Variants in COL15A1 observed in about 807,000 individuals in gnomAD.
COL15A1 encodes collagen type XV alpha 1 chain.
In COL15A1, 111 loss-of-function variants were observed where a neutral mutation model predicts 165.9. The ratio of observed to expected loss-of-function variants is 0.67; its 90% CI spans 0.57 to 0.78. COL15A1 has a LOEUF of 0.78. Among genes scored for constraint, COL15A1 ranks in the 30% least tolerant of loss-of-function variants. COL15A1 has a pLI of 0.00. For synonymous variants in COL15A1, 659 were observed against 674.8 expected, an observed-to-expected ratio of 0.98 and a Z score of 0.36; for missense variants, 1,745 against 1,789.7, an observed-to-expected ratio of 0.98 and a Z score of 0.45.
At chr9:99,041,849 T>A (rs1839410788) in intron 23 of COL15A1, among the ~76,000 whole-genome samples, 196 bp from the exon 24 acceptor site, 1 of 152,224 alleles carries the variant, frequency 6.6e-6, no homozygotes, top group African/African-American at 2.4e-5. Flanking sequence ...CTCTTAACAC[T>A]CAGTGCTATC....
intron 36 of COL15A1, among the ~76,000 whole-genome samples, chr9:99,060,180 G>A (rs7030799): frequency 0.28 from 42,236 of 149,378 alleles, 6,925 homozygotes; most frequent in East Asian, 0.62. Flanking sequence ...TCCACCATTC[G>A]AATCCTTAAT....
Position 99,004,949 on chromosome 9 carries a change from G to A in COL15A1, c.1252G>A (p.Ala418Thr). 1 of 1,614,106 alleles carries A rather than the reference G, an allele frequency of 6.2e-7. No homozygotes were observed. The highest frequency in any genetic ancestry group is 8.5e-7 in the Non-Finnish European group (1 of 1,179,978). ...AGCAACAGCAGCAGGGGAGGCCGAG[G>A]CACTCGCCAGCATGCCTGGGGAAGT... ...LAATAAGEAE[A>T]LASMPGEVEA... Residue 418 changes from alanine to threonine, a missense_variant, in exon 9 of 42, where the codon GCA becomes ACA. Physicochemically the swap from Ala to Thr is moderately conservative, Grantham distance 58. Coordinates refer to ENST00000375001, the MANE Select transcript of COL15A1 (RefSeq NM_001855.5).
intron 16 of COL15A1, among the ~76,000 whole-genome samples, chr9:99,028,422 A>G (rs1054015966): frequency 5.3e-5 from 8 of 151,964 alleles, no homozygotes; most frequent in African/African-American, 1.9e-4. Flanking sequence ...GGAGGCTGAG[A>G]TGGGCGGATC....
chr9:98,957,955 T>C (rs999803888), intron 2 of COL15A1, among the ~76,000 whole-genome samples: 9 of 152,206 alleles, frequency 5.9e-5, no homozygotes, highest in Non-Finnish European at 8.8e-5. Flanking sequence ...CTGGGGTTGT[T>C]CTCTATGCCA....
chr9:99,001,067 G>A, intron 7 of COL15A1, 116 bp downstream of exon 7: 1 of 678,048 alleles, frequency 1.5e-6, no homozygotes, highest in Non-Finnish European at 2.7e-6. Flanking sequence ...TGGTTGAATA[G>A]CATCAAGATT....
In COL15A1 at chr9:99,055,138, T is replaced by C; in HGVS notation, c.3068T>C (p.Leu1023Pro). ...PLDLAYLRHFLNNLKGENGDK... is the reference protein window; with the variant it reads ...PLDLAYLRHFPNNLKGENGDK... ...GATCTAGCTTACCTGAGACACTTTC[T>C]GAACAACTTGAAGGTGAGTATTTCT... Residue 1023 changes from leucine to proline, a missense_variant, in exon 33 of 42, where the codon CTG becomes CCG. Physicochemically the swap from Leu to Pro is moderately conservative, Grantham distance 98. Coordinates refer to ENST00000375001, the MANE Select transcript of COL15A1 (RefSeq NM_001855.5). The C allele has an allele frequency of 6.2e-7, 1 of 1,613,446 alleles. No individual in the cohort carries two copies. Among genetic ancestry groups the C allele is most frequent in the South Asian group, 1.1e-5 (1 of 91,062 alleles).
In COL15A1 at chr9:99,004,954, C is replaced by T. The variant is rs776243720; in HGVS notation, c.1257C>T (p.Leu419=). 5.6e-6 allele frequency: 9 copies of T among 1,614,030 alleles called. No individual in the cohort carries two copies. Among genetic ancestry groups the T allele is most frequent in the African/African-American group, 1.3e-5 (1 of 75,016 alleles). ...AATAAGEAEA[L]ASMPGEVEAS... is the part of the protein sequence containing the mutation. ...CAGCAGCAGGGGAGGCCGAGGCACTCGCCAGCATGCCTGGGGAAGTGGAGG... is the reference window on the plus strand; with the variant it reads ...CAGCAGCAGGGGAGGCCGAGGCACTTGCCAGCATGCCTGGGGAAGTGGAGG... Residue 419 remains leucine, a synonymous_variant, in exon 9 of 42, where the codon CTC becomes CTT. Coordinates refer to ENST00000375001, the MANE Select transcript of COL15A1 (RefSeq NM_001855.5).
intron 24 of COL15A1, 125 bp downstream of exon 24, chr9:99,042,232 C>A (rs1441215493): frequency 6.8e-5 from 47 of 689,780 alleles, no homozygotes; most frequent in Non-Finnish European, 1.0e-5. Flanking sequence ...ATAAAATTCA[C>A]CCCTTTAAAT....
intron 2 of COL15A1, among the ~76,000 whole-genome samples, chr9:98,979,896 A>T (rs906692096): frequency 6.6e-6 from 1 of 152,052 alleles, no homozygotes; most frequent in Non-Finnish European, 1.5e-5. Context: ...AGGGGCTCAC[A>T]CCTGTAATCC....
chr9:99,023,369 G>A lies in COL15A1; in HGVS notation c.1774G>A (p.Ala592Thr). ...GPVGPTAGAE[A>T]EGSGLGWGSD... ...CTTCTCTTTCCAGGCAGGAGCAGAA[G>A]CAGAGGGCTCTGGCCTAGGCTGGGG... Residue 592 changes from alanine to threonine, a missense_variant, in exon 14 of 42, where the codon GCA becomes ACA. Physicochemically the swap from Ala to Thr is moderately conservative, Grantham distance 58. Transcript: ENST00000375001. 1.9e-6 allele frequency: 3 copies of A among 1,609,022 alleles called. No homozygotes were observed. The highest frequency in any genetic ancestry group is 2.5e-6 in the Non-Finnish European group (3 of 1,177,006).
At chr9:99,037,264 CT>C (rs1839319167) in intron 21 of COL15A1, among the ~76,000 whole-genome samples, 1 of 152,162 alleles carries the variant, frequency 6.6e-6, no homozygotes, top group South Asian at 2.1e-4. Flanking sequence ...TTTTTTTCTT[CT>C]CTGTATCCCC....
At chr9:99,068,791 G>GCCCT in intron 41 of COL15A1, 121 bp downstream of exon 41, 1 of 606,150 alleles carries the variant, frequency 1.6e-6, no homozygotes, top group Non-Finnish European at 2.8e-6. Context: ...CCACAGTGAG[G>GCCCT]CAACTGAGGG....
intron 21 of COL15A1, among the ~76,000 whole-genome samples, chr9:99,036,684 C>T (rs1423131629): frequency 6.6e-6 from 1 of 152,228 alleles, no homozygotes; most frequent in Non-Finnish European, 1.5e-5. Flanking sequence ...CCCAGATAAG[C>T]AGTGCACACT....
intron 2 of COL15A1, among the ~76,000 whole-genome samples, chr9:98,978,197 C>A (rs560116110): frequency 1.3e-5 from 2 of 152,188 alleles, no homozygotes; most frequent in Non-Finnish European, 2.9e-5. Context: ...TAAGCAGACT[C>A]CTAGGCATAA....
At chr9:99,035,521 C>T in intron 19 of COL15A1, 103 bp downstream of exon 19, 2 of 1,423,152 alleles carry the variant, frequency 1.4e-6, no homozygotes, top group East Asian at 4.6e-5. Context: ...CAATAACTCA[C>T]CTTCTCTGTG....
chr9:99,016,483 T>C (rs1198297094), intron 11 of COL15A1, among the ~76,000 whole-genome samples: 2 of 152,164 alleles, frequency 1.3e-5, no homozygotes, highest in Admixed American at 6.5e-5. Flanking sequence ...GACCTCCAAG[T>C]CCCTGCCAAC....
In COL15A1 at chr9:99,037,274, C is replaced by A. The variant is rs543794782; in HGVS notation, c.2409+878C>A. Among the ~76,000 whole-genome samples, 3 of 152,316 alleles carry A rather than the reference C, an allele frequency of 2.0e-5. No individual in the cohort carries two copies. The South Asian group carries it at 6.2e-4, about 32-fold the overall frequency. Reference sequence around the variant, plus strand: ...GGGGCTTTTTTTCTTCTCTGTATCCCCACCACTGGCCTCATAGTGCTGGTT... The same window carrying A: ...GGGGCTTTTTTTCTTCTCTGTATCCACACCACTGGCCTCATAGTGCTGGTT... On this transcript the variant is annotated intron_variant, in intron 21 of 41. Transcript: ENST00000375001.
chr9:99,001,926 G>T (rs1396707461), intron 7 of COL15A1, among the ~76,000 whole-genome samples: 1 of 152,056 alleles, frequency 6.6e-6, no homozygotes, highest in East Asian at 1.9e-4. Context: ...TGTAACTTCT[G>T]CCCGGGCTTC....
intron 16 of COL15A1, among the ~76,000 whole-genome samples, chr9:99,027,441 T>C (rs1055067441): frequency 6.6e-6 from 1 of 152,224 alleles, no homozygotes; most frequent in South Asian, 2.1e-4. Context: ...TGTCAAGCTT[T>C]ATAGAACTCA....
Sources: gnomAD v4.1 joint callset for allele counts (sites outside exome capture counted in the v4.1 genomes callset) on GRCh38, gnomAD v4.1.1 for gene constraint, MANE v1.5 for transcripts, NCBI Gene and HGNC (gene_info 2026-07-23, HGNC 2026-07-21) for gene names.